The following SMARCC1 variants were observed in gnomAD, a reference collection of about 807,000 sequenced individuals.
SMARCC1 encodes SWI/SNF complex subunit SMARCC1.
SMARCC1 carries 43 observed loss-of-function variants against 147.4 expected under a neutral mutation model. The observed-to-expected ratio is 0.29, with a 90% confidence interval of 0.23 to 0.38. SMARCC1 has a LOEUF of 0.38. SMARCC1 is among the 10% of genes least tolerant of loss of function. The pLI, the probability that SMARCC1 is intolerant of heterozygous loss-of-function variation, is 1.00. For synonymous variants in SMARCC1, 495 were observed against 484.4 expected (o/e 1.02, Z -0.29); for missense variants, 1,119 against 1,381.1 (o/e 0.81, Z 3.01).
rs192664218 is a variant in SMARCC1 at position 47,592,218 on chromosome 3, T to A, written c.3044-1381A>T. On this transcript the variant is annotated intron_variant, in intron 26 of 27. Coordinates refer to ENST00000254480, the MANE Select transcript of SMARCC1 (RefSeq NM_003074.4). ...CCTTTAGAATGTTTAGCCAACTTTT[T>A]CTATAAAGAGCCAGATAGTAAATAT... Among the ~76,000 whole-genome samples, 1,478 of 152,332 alleles carry A rather than the reference T, an allele frequency of 9.7e-3. 13 individuals are homozygous for A. The highest frequency in any genetic ancestry group is 0.013 in the Non-Finnish European group (902 of 68,030).
chr3:47,683,104 G>A (rs1388814456), intron 14 of SMARCC1, among the ~76,000 whole-genome samples: 4 of 152,160 alleles, frequency 2.6e-5, no homozygotes, highest in Middle Eastern at 3.2e-3. Flanking sequence ...GTGCAGTGGC[G>A]CGATCTCAGC....
chr3:47,683,579 G>A (rs562327455), intron 14 of SMARCC1, among the ~76,000 whole-genome samples: 1 of 152,086 alleles, frequency 6.6e-6, no homozygotes, highest in Admixed American at 6.5e-5. Context: ...TTGGCCGGAC[G>A]CAGTGGCTCA....
chr3:47,683,230 C>T (rs1386703519), intron 14 of SMARCC1, among the ~76,000 whole-genome samples: 1 of 151,792 alleles, frequency 6.6e-6, no homozygotes, highest in East Asian at 1.9e-4. Flanking sequence ...GTATTTTTAG[C>T]AGAGACGGGG....
At chr3:47,665,199 G>C (rs564620010) in intron 19 of SMARCC1, among the ~76,000 whole-genome samples, 3 of 152,162 alleles carry the variant, frequency 2.0e-5, no homozygotes, top group African/African-American at 7.2e-5. Flanking sequence ...GAATGGTAGA[G>C]GACTTCTCAA....
intron 25 of SMARCC1, among the ~76,000 whole-genome samples, chr3:47,615,243 G>T (rs1211622976): frequency 6.6e-6 from 1 of 152,106 alleles, no homozygotes; most frequent in Non-Finnish European, 1.5e-5. Flanking sequence ...CTAATTATTT[G>T]AAATCCACCA....
At chr3:47,771,930 A>C (rs2034918420) in intron 2 of SMARCC1, among the ~76,000 whole-genome samples, 1 of 151,718 alleles carries the variant, frequency 6.6e-6, no homozygotes, top group South Asian at 2.1e-4. Flanking sequence ...AAAAATACAA[A>C]AATTAGCTGG....
chr3:47,675,031 A>G (rs1448536991), intron 18 of SMARCC1, among the ~76,000 whole-genome samples: 1 of 152,092 alleles, frequency 6.6e-6, no homozygotes, highest in Non-Finnish European at 1.5e-5. Flanking sequence ...CACCGTGTCC[A>G]GCCTGAACTC....
chr3:47,650,708 C>T (rs145309329), intron 21 of SMARCC1, among the ~76,000 whole-genome samples: 160 of 151,814 alleles, frequency 1.1e-3, no homozygotes, highest in African/African-American at 3.7e-3. Context: ...CCCAGATACT[C>T]GGAGGCAGAA....
intron 6 of SMARCC1, among the ~76,000 whole-genome samples, 153 bp downstream of exon 6, chr3:47,728,872 C>T (rs2034333741): frequency 6.6e-6 from 1 of 152,180 alleles, no homozygotes; most frequent in Non-Finnish European, 1.5e-5. Context: ...GATCGCGCCA[C>T]TGCACTCCAG....
intron 24 of SMARCC1, among the ~76,000 whole-genome samples, chr3:47,628,788 A>G (rs1360366886): frequency 6.6e-6 from 1 of 151,728 alleles, no homozygotes; most frequent in African/African-American, 2.4e-5. Context: ...CTGGTCTTGA[A>G]CTCCTGACCT....
At chr3:47,676,590 T>C in intron 17 of SMARCC1, 39 bp downstream of exon 17, 1 of 1,552,486 alleles carries the variant, frequency 6.4e-7, no homozygotes, top group Non-Finnish European at 8.9e-7. Flanking sequence ...TGGCCATTTG[T>C]TACTATCCAG....
At chr3:47,675,013 G>A (rs987261128) in intron 18 of SMARCC1, among the ~76,000 whole-genome samples, 2 of 152,098 alleles carry the variant, frequency 1.3e-5, no homozygotes, top group Non-Finnish European at 2.9e-5. Flanking sequence ...GAAATTACAG[G>A]TGTGAGCCAC....
intron 21 of SMARCC1, among the ~76,000 whole-genome samples, chr3:47,644,055 T>C (rs1317766780): frequency 1.3e-5 from 2 of 152,126 alleles, no homozygotes; most frequent in South Asian, 2.1e-4. Flanking sequence ...GGCATGGTGA[T>C]ACGGTGGTCC....
chr3:47,700,359 A>C (rs1270565191), intron 11 of SMARCC1, among the ~76,000 whole-genome samples: 11 of 152,316 alleles, frequency 7.2e-5, no homozygotes, highest in Non-Finnish European at 1.6e-4. Context: ...TGGGTGAAGA[A>C]GGCTAATAAA....
intron 26 of SMARCC1, among the ~76,000 whole-genome samples, chr3:47,592,911 T>C (rs2032208843): frequency 6.7e-6 from 1 of 149,516 alleles, no homozygotes; most frequent in African/African-American, 2.5e-5. Flanking sequence ...CCTCTGCTTC[T>C]TGGGTTCAAA....
intron 8 of SMARCC1, among the ~76,000 whole-genome samples, chr3:47,711,547 T>C (rs557753836): frequency 2.8e-4 from 43 of 152,310 alleles, no homozygotes; most frequent in African/African-American, 9.9e-4. Context: ...GTTGGAGTAG[T>C]GTTGGTTGAA....
At chr3:47,645,569 C>T (rs937587746) in intron 21 of SMARCC1, among the ~76,000 whole-genome samples, 9 of 152,174 alleles carry the variant, frequency 5.9e-5, no homozygotes, top group Admixed American at 4.6e-4. Flanking sequence ...AACCCCCAAA[C>T]TTCAGGTTAC....
chr3:47,703,370 G>A (rs1467150009), intron 10 of SMARCC1, among the ~76,000 whole-genome samples: 1 of 152,168 alleles, frequency 6.6e-6, no homozygotes, highest in African/African-American at 2.4e-5. Flanking sequence ...TCTGCATCCT[G>A]AAGCACTGTC....
chr3:47,774,125 A>T (rs1479122983), intron 1 of SMARCC1, among the ~76,000 whole-genome samples: 1 of 152,090 alleles, frequency 6.6e-6, no homozygotes, highest in Admixed American at 6.6e-5. Context: ...GTGTATGGTC[A>T]AAATTACATC....
Sources: gnomAD v4.1 joint callset for allele counts (sites outside exome capture counted in the v4.1 genomes callset) on GRCh38, gnomAD v4.1.1 for gene constraint, MANE v1.5 for transcripts, NCBI Gene and HGNC (gene_info 2026-07-23, HGNC 2026-07-21) for gene names.